The following CSMD2 variants were observed in gnomAD, a reference collection of about 807,000 sequenced individuals.
The protein encoded by CSMD2 is CUB and Sushi multiple domains 2.
In CSMD2, 130 loss-of-function variants were observed where a neutral mutation model predicts 398.5. The observed-to-expected ratio is 0.33, with a 90% CI of 0.28 to 0.38. The LOEUF is 0.38. Ranked by LOEUF, CSMD2 falls within the 10% of genes least tolerant of loss-of-function variation. The pLI, the probability that CSMD2 is intolerant of heterozygous loss-of-function variation, is 1.00. For synonymous variants in CSMD2, 1,828 were observed against 1,908.5 expected (o/e 0.96, Z 1.10); for missense variants, 3,829 against 4,764.9 (o/e 0.80, Z 5.78).
At position 34,144,177 on chromosome 1, in the gene CSMD2, C is replaced by A. The variant is rs567743710; in HGVS notation, c.187+20734G>T. ...AAGGTGGGTGGGGCTCCTACCATTC[C>A]TCTTGATGGGGTGGGACAGGTCCTG... On this transcript the variant is annotated intron_variant, in intron 1 of 70. Transcript: ENST00000373381. Among the ~76,000 whole-genome samples, 10 of 152,224 alleles carry A rather than the reference C, an allele frequency of 6.6e-5. 1 individual carries two copies. The highest frequency in any genetic ancestry group is 2.0e-4 in the Admixed American group (3 of 15,274).
At chr1:33,583,043 G>A (rs1229227725) in intron 47 of CSMD2, among the ~76,000 whole-genome samples, 1 of 152,072 alleles carries the variant, frequency 6.6e-6, no homozygotes, top group Non-Finnish European at 1.5e-5. Context: ...GGACCATCTG[G>A]ACATCTTGCA....
chr1:33,795,563 G>A (rs893126515), intron 10 of CSMD2, among the ~76,000 whole-genome samples: 1 of 152,168 alleles, frequency 6.6e-6, no homozygotes, highest in Non-Finnish European at 1.5e-5. Context: ...ACTTACGCAG[G>A]CTCTTCCTGC....
intron 10 of CSMD2, among the ~76,000 whole-genome samples, chr1:33,799,491 G>C (rs1275681650): frequency 6.6e-6 from 1 of 152,220 alleles, no homozygotes; most frequent in Non-Finnish European, 1.5e-5. Flanking sequence ...ACCATGGATA[G>C]TGGGTTACTT....
Position 33,611,231 on chromosome 1 carries a change from C to T in CSMD2, c.6153G>A (p.Leu2051=), listed in dbSNP as rs1640983120. The change falls in exon 41 of 71, where the codon CTG becomes CTA. Residue 2051 remains leucine (L), a synonymous_variant. Coordinates refer to ENST00000373381, the MANE Select transcript of CSMD2 (RefSeq NM_001281956.2). ...CGTGGTTGGGCTCGGTGGAGAAGTTCAGGAACTGGATGTGAGCTCCTGGGA... is the reference window on the plus strand; with the variant it reads ...CGTGGTTGGGCTCGGTGGAGAAGTTTAGGAACTGGATGTGAGCTCCTGGGA... ...PVGFGAHIQF[L]NFSTEPNHDY... 1 of 1,613,788 alleles carries T rather than the reference C, an allele frequency of 6.2e-7. No individual in the cohort carries two copies. Among genetic ancestry groups the T allele is most frequent in the African/African-American group, 1.3e-5 (1 of 74,848 alleles).
At chr1:33,957,851 G>A (rs927021912) in intron 3 of CSMD2, among the ~76,000 whole-genome samples, 7 of 152,120 alleles carry the variant, frequency 4.6e-5, no homozygotes, top group African/African-American at 1.7e-4. Flanking sequence ...CCCTGATCCT[G>A]CCAATAAGCA....
At chr1:33,843,800 C>T (rs558406338) in intron 6 of CSMD2, among the ~76,000 whole-genome samples, 30 of 152,332 alleles carry the variant, frequency 2.0e-4, no homozygotes, top group Admixed American at 9.1e-4. Context: ...CCCTGATCCC[C>T]TCCTCACGCC....
chr1:33,864,871 G>A, intron 5 of CSMD2: 4 of 813,744 alleles, frequency 4.9e-6, no homozygotes, highest in Non-Finnish European at 5.6e-6. Context: ...CTTGGTAGAG[G>A]AGAGACTGAT....
intron 12 of CSMD2, among the ~76,000 whole-genome samples, chr1:33,785,607 AAAG>A (rs1411126026): frequency 6.6e-6 from 1 of 152,222 alleles, no homozygotes; most frequent in Non-Finnish European, 1.5e-5. Flanking sequence ...TCCTCTCTTA[AAAG>A]AAGGCTTACA....
intron 3 of CSMD2, among the ~76,000 whole-genome samples, chr1:33,942,423 C>T (rs1644704384): frequency 1.3e-5 from 2 of 152,366 alleles, no homozygotes; most frequent in East Asian, 1.9e-4. Context: ...TTCCTGCTAC[C>T]TGTCAATCAA....
Position 33,990,850 on chromosome 1 carries a change from T to C in CSMD2, c.517+41744A>G, listed in dbSNP as rs578015315. Among the ~76,000 whole-genome samples the C allele has an allele frequency of 9.1e-4, 139 of 152,332 alleles. 1 individual carries two copies. Among genetic ancestry groups the C allele is most frequent in the African/African-American group, 3.3e-3 (138 of 41,578 alleles). On this transcript the variant is annotated intron_variant, in intron 3 of 70. Transcript: ENST00000373381. Reference sequence around the variant, plus strand: ...CAGATTAGGGTTGCCAGATAAAATATACAATCCCAGCTAAATCTGATTTTG... The same window carrying C: ...CAGATTAGGGTTGCCAGATAAAATACACAATCCCAGCTAAATCTGATTTTG...
chr1:33,627,096 A>G (rs1268280660), intron 32 of CSMD2, among the ~76,000 whole-genome samples: 1 of 152,210 alleles, frequency 6.6e-6, no homozygotes, highest in Non-Finnish European at 1.5e-5. Flanking sequence ...TGAAATGATT[A>G]CCAGAGCGAT....
At chr1:34,035,701 T>A (rs1291628625) in intron 2 of CSMD2, among the ~76,000 whole-genome samples, 7 of 139,018 alleles carry the variant, frequency 5.0e-5, no homozygotes, top group African/African-American at 5.3e-5. Flanking sequence ...AACCTACAAA[T>A]AGAGGGTAAG....
rs113957528 is a variant in CSMD2 at position 33,878,977 on chromosome 1, C to T, written c.921-31981G>A. ...AAGAAAAAGCACATTCTTCTTACCG[C>T]GGTAACAATGTGTGGTCACTAGTTC... On this transcript the variant is annotated intron_variant, in intron 5 of 70. Coordinates refer to ENST00000373381, the MANE Select transcript of CSMD2 (RefSeq NM_001281956.2). Among the ~76,000 whole-genome samples, 834 of 152,248 alleles carry T rather than the reference C, an allele frequency of 5.5e-3. 8 individuals are homozygous for T. Among genetic ancestry groups the T allele is most frequent in the African/African-American group, 0.019 (785 of 41,542 alleles).
At chr1:33,623,840 C>T (rs571256771) in intron 35 of CSMD2, among the ~76,000 whole-genome samples, 7 of 152,300 alleles carry the variant, frequency 4.6e-5, no homozygotes, top group East Asian at 1.9e-4. Context: ...GCAATGAGCC[C>T]GTAACCCACT....
chr1:33,672,125 G>A (rs144153075), intron 25 of CSMD2, among the ~76,000 whole-genome samples: 2,202 of 152,040 alleles, frequency 0.014, 45 homozygotes, highest in African/African-American at 0.05. Flanking sequence ...GGGGAGTGCC[G>A]GACAGTGGGT....
At chr1:33,594,015 C>A (rs2148777836) in intron 44 of CSMD2, among the ~76,000 whole-genome samples, 1 of 152,122 alleles carries the variant, frequency 6.6e-6, no homozygotes, top group Middle Eastern at 3.4e-3. Context: ...TTCTCTTATC[C>A]CTTTTCCACC....
intron 3 of CSMD2, among the ~76,000 whole-genome samples, chr1:33,994,725 A>G (rs757986093): frequency 3.3e-5 from 5 of 152,158 alleles, no homozygotes; most frequent in African/African-American, 4.8e-5. Flanking sequence ...GGGCCCAGGA[A>G]TCTAATCTCA....
chr1:33,853,600 G>A (rs1038404814), intron 5 of CSMD2, among the ~76,000 whole-genome samples: 4 of 151,566 alleles, frequency 2.6e-5, no homozygotes, highest in Non-Finnish European at 5.9e-5. Flanking sequence ...ACTGAATCTC[G>A]GAAAGTGCAA....
chr1:33,750,602 A>G (rs1648087814), intron 13 of CSMD2, among the ~76,000 whole-genome samples: 1 of 152,212 alleles, frequency 6.6e-6, no homozygotes, highest in African/African-American at 2.4e-5. Flanking sequence ...CATATTATAA[A>G]GCTGTAATAA....
Sources: allele counts gnomAD v4.1 joint callset (sites outside exome capture counted in the v4.1 genomes callset), GRCh38; gene constraint gnomAD v4.1.1; transcripts MANE v1.5; gene names NCBI Gene and HGNC (gene_info 2026-07-23, HGNC 2026-07-21).